ATG10: variants seen among roughly 807,000 people sequenced by gnomAD.
ATG10 encodes the protein autophagy related 10, also known as ubiquitin-like-conjugating enzyme ATG10.
In ATG10, 30 loss-of-function variants were observed where a neutral mutation model predicts 32.1. The ratio of observed to expected loss-of-function variants is 0.94; its 90% CI spans 0.70 to 1.27. The LOEUF is 1.27. Among genes scored for constraint, ATG10 ranks in the 50% most tolerant of loss-of-function variants. The pLI, the probability that ATG10 is intolerant of heterozygous loss-of-function variation, is 0.00. For synonymous variants in ATG10, 87 were observed against 91.5 expected, an observed-to-expected ratio of 0.95 and a Z score of 0.28; for missense variants, 233 against 262.3, an observed-to-expected ratio of 0.89 and a Z score of 0.77.
intron 5 of ATG10, among the ~76,000 whole-genome samples, chr5:82,245,384 C>T (rs1218160635): frequency 6.6e-6 from 1 of 152,202 alleles, no homozygotes; most frequent in Non-Finnish European, 1.5e-5. Context: ...CGTTAACATG[C>T]CTCAAATTAC....
chr5:82,076,570 C>T (rs1764280245), intron 3 of ATG10, among the ~76,000 whole-genome samples: 1 of 151,936 alleles, frequency 6.6e-6, no homozygotes, highest in Non-Finnish European at 1.5e-5. Flanking sequence ...GGATCTCAGA[C>T]AAAAAGCAAA....
At chr5:82,041,710 GATAAA>G (rs1763087160) in intron 2 of ATG10, among the ~76,000 whole-genome samples, 1 of 151,998 alleles carries the variant, frequency 6.6e-6, no homozygotes. Flanking sequence ...CTTAAAGTTT[GATAAA>G]ATAAGAAATG....
chr5:82,139,263 C>G (rs1340413413), intron 3 of ATG10, among the ~76,000 whole-genome samples: 1 of 149,432 alleles, frequency 6.7e-6, no homozygotes, highest in Non-Finnish European at 1.5e-5. Flanking sequence ...CGGGCCACCA[C>G]CCCGTCTGGG....
At chr5:82,077,174 C>G (rs1276750408) in intron 3 of ATG10, among the ~76,000 whole-genome samples, 2 of 151,992 alleles carry the variant, frequency 1.3e-5, no homozygotes, top group Non-Finnish European at 2.9e-5. Flanking sequence ...AAATACAAAA[C>G]TAGCCAGGCA....
chr5:82,067,574 GGTACCTGA>G (rs1352892683), intron 3 of ATG10, among the ~76,000 whole-genome samples: 1 of 152,018 alleles, frequency 6.6e-6, no homozygotes, highest in Non-Finnish European at 1.5e-5. Flanking sequence ...TTAAGCCCTT[GGTACCTGA>G]GTAATAGCAC....
At chr5:82,044,588 A>T (rs567931449) in intron 2 of ATG10, among the ~76,000 whole-genome samples, 1 of 151,922 alleles carries the variant, frequency 6.6e-6, no homozygotes, top group Admixed American at 6.6e-5. Flanking sequence ...CTGGAATGCA[A>T]TTAAGATCCT....
intron 2 of ATG10, among the ~76,000 whole-genome samples, chr5:82,032,331 A>G (rs948008246): frequency 4.0e-5 from 6 of 151,852 alleles, no homozygotes; most frequent in African/African-American, 7.3e-5. Flanking sequence ...TTATTGTTAT[A>G]TATCTGTGTG....
chr5:82,033,393 A>G (rs1347896386), intron 2 of ATG10, among the ~76,000 whole-genome samples: 1 of 148,492 alleles, frequency 6.7e-6, no homozygotes, highest in African/African-American at 2.5e-5. Context: ...GCTGGAGTGC[A>G]GTGGCACGAT....
Position 81,977,910 on chromosome 5 carries a change from G to A in ATG10, c.-13+5604G>A, listed in dbSNP as rs1201006519. Among the ~76,000 whole-genome samples, 4 of 152,114 alleles carry A rather than the reference G, an allele frequency of 2.6e-5. No homozygotes were observed. The East Asian group carries it at 7.7e-4, about 29-fold the overall frequency. ...CTCTGAACAAAGACTTTTGCAAGAA[G>A]AAAAATTTAAAGGGAATGTGCCTTT... On this transcript the variant is annotated intron_variant, in intron 1 of 7. Transcript: ENST00000282185.
At chr5:82,061,520 C>A (rs1218480785) in intron 3 of ATG10, among the ~76,000 whole-genome samples, 1 of 151,842 alleles carries the variant, frequency 6.6e-6, no homozygotes, top group Non-Finnish European at 1.5e-5. Flanking sequence ...TAAGATGACT[C>A]AATGAGTATC....
At chr5:82,094,032 A>G (rs1233702045) in intron 3 of ATG10, among the ~76,000 whole-genome samples, 1 of 152,068 alleles carries the variant, frequency 6.6e-6, no homozygotes, top group African/African-American at 2.4e-5. Flanking sequence ...TATACACATG[A>G]GCCGATCTGT....
chr5:82,167,444 C>T (rs908192317), intron 4 of ATG10, among the ~76,000 whole-genome samples: 5 of 152,010 alleles, frequency 3.3e-5, no homozygotes, highest in South Asian at 2.1e-4. Flanking sequence ...TTAAGTGAAA[C>T]GATAAAGAAG....
At position 82,051,611 on chromosome 5, in the gene ATG10, A is replaced by G. The variant is rs536589784; in HGVS notation, c.109-6884A>G. Among the ~76,000 whole-genome samples, 175 of 152,290 alleles carry G rather than the reference A, an allele frequency of 1.1e-3. 2 individuals carry two copies. Among genetic ancestry groups the G allele is most frequent in the Admixed American group, 2.2e-3 (34 of 15,276 alleles). Reference sequence around the variant, plus strand: ...ATACAAAGTTACCTTTGTATATAACATAACCAGAGGCATCAGAGTTCACCC... The same window carrying G: ...ATACAAAGTTACCTTTGTATATAACGTAACCAGAGGCATCAGAGTTCACCC... On this transcript the variant is annotated intron_variant, in intron 2 of 7. Transcript: ENST00000282185.
intron 2 of ATG10, among the ~76,000 whole-genome samples, chr5:81,993,368 CTTTTCTTTTCTTTTCTTTTCTTTTTT>C: frequency 2.4e-5 from 1 of 41,760 alleles, no homozygotes; most frequent in African/African-American, 7.8e-5. Flanking sequence ...TCCTTCTTTT[CTTTTCTTTTCTTTTCTTTTCTTTTTT>C]TTTCTTTTCT....
In ATG10 at chr5:81,978,706, G is replaced by A. The variant is rs191594654; in HGVS notation, c.-13+6400G>A. 5.3e-5 allele frequency among the ~76,000 whole-genome samples: 8 copies of A among 152,138 alleles called. No homozygotes were observed. In the East Asian group the frequency reaches 1.5e-3, roughly 29 times the overall value. Reference sequence around the variant, plus strand: ...GAGACAGGATCTTGCTGTCTCCCAGGCTAAAGGGCAGTGTCACGGTCATAG... The same window carrying A: ...GAGACAGGATCTTGCTGTCTCCCAGACTAAAGGGCAGTGTCACGGTCATAG... On this transcript the variant is annotated intron_variant, in intron 1 of 7. Transcript: ENST00000282185.
At chr5:82,087,384 G>A (rs1764729236) in intron 3 of ATG10, among the ~76,000 whole-genome samples, 1 of 152,014 alleles carries the variant, frequency 6.6e-6, no homozygotes, top group Non-Finnish European at 1.5e-5. Context: ...TGGGCTTAGG[G>A]GAATTATTAT....
At chr5:82,223,230 A>G (rs916383779) in intron 5 of ATG10, among the ~76,000 whole-genome samples, 1 of 152,244 alleles carries the variant, frequency 6.6e-6, no homozygotes, top group African/African-American at 2.4e-5. Flanking sequence ...AGGTATTAAC[A>G]CTAAGATTAG....
intron 3 of ATG10, among the ~76,000 whole-genome samples, chr5:82,142,631 T>C (rs574152945): frequency 1.3e-5 from 2 of 152,278 alleles, no homozygotes; most frequent in Admixed American, 1.3e-4. Context: ...TGTAACTGCA[T>C]TGTCATGTGC....
At chr5:81,991,477 C>T (rs1761457421) in intron 2 of ATG10, among the ~76,000 whole-genome samples, 1 of 152,146 alleles carries the variant, frequency 6.6e-6, no homozygotes, top group Non-Finnish European at 1.5e-5. Context: ...TTTCCTCATA[C>T]TCCTGCTTTC....
Sources: gnomAD v4.1 joint callset for allele counts (sites outside exome capture counted in the v4.1 genomes callset) on GRCh38, gnomAD v4.1.1 for gene constraint, MANE v1.5 for transcripts, NCBI Gene and HGNC (gene_info 2026-07-23, HGNC 2026-07-21) for gene names.